SEMA3E: variants seen among roughly 807,000 people sequenced by gnomAD.
SEMA3E encodes semaphorin-3E.
In SEMA3E, 49 loss-of-function variants were observed where a neutral mutation model predicts 93.6. That is an observed-to-expected ratio of 0.52 (90% CI 0.42 to 0.66). The LOEUF (loss-of-function observed/expected upper bound fraction) is 0.66. Among genes scored for constraint, SEMA3E ranks in the 30% least tolerant of loss-of-function variants. The probability of loss-of-function intolerance (pLI) is 0.00; values close to 1 mark genes in which losing one functional copy is unlikely to be tolerated. For missense variants in SEMA3E, 906 were observed against 964.8 expected, an observed-to-expected ratio of 0.94 and a Z score of 0.81; for synonymous variants, 363 against 330.7, an observed-to-expected ratio of 1.10 and a Z score of -1.06.
At chr7:83,422,941 A>G (rs186906746) in intron 4 of SEMA3E, among the ~76,000 whole-genome samples, 5 of 152,344 alleles carry the variant, frequency 3.3e-5, no homozygotes, top group Admixed American at 3.3e-4. Flanking sequence ...AATTTCATAG[A>G]AAAGTTACAG....
intron 1 of SEMA3E, among the ~76,000 whole-genome samples, chr7:83,522,858 T>G (rs1791076776): frequency 6.6e-6 from 1 of 152,144 alleles, no homozygotes; most frequent in Non-Finnish European, 1.5e-5. Context: ...CTTTGCTCAG[T>G]CTGCCTGAGA....
chr7:83,466,733 G>T, intron 3 of SEMA3E, 132 bp from the exon 4 acceptor site: 1 of 1,086,266 alleles, frequency 9.2e-7, no homozygotes, highest in Non-Finnish European at 1.4e-6. Context: ...GGAGGCAAGA[G>T]GGGTAGAAGA....
chr7:83,431,750 T>C (rs1405566901), intron 4 of SEMA3E, among the ~76,000 whole-genome samples: 1 of 152,230 alleles, frequency 6.6e-6, no homozygotes, highest in African/African-American at 2.4e-5. Context: ...AATGACGTTT[T>C]TGGCAATTGG....
rs1272075818 is a variant in SEMA3E, at chr7:83,396,703, T to G, written c.1393A>C (p.Thr465Pro). Residue 465 changes from threonine (T) to proline (P), a missense_variant, in exon 12 of 17, where the codon ACA (threonine) becomes CCA (proline). Thr to Pro is a conservative substitution (Grantham distance 38). Coordinates refer to ENST00000643230, the MANE Select transcript of SEMA3E (RefSeq NM_012431.3). ...GATTCCATTTCTTGGTTGTAAATTG[T>G]GATTACTTTCAGCACAATTCCATTA... Reference protein sequence around the residue: ...TDNGIVLKVITIYNQEMESME... With the variant: ...TDNGIVLKVIPIYNQEMESME... 5.0e-6 allele frequency: 8 copies of G among 1,604,268 alleles called. No homozygotes were observed. Among genetic ancestry groups the G allele is most frequent in the Non-Finnish European group, 6.8e-6 (8 of 1,172,590 alleles).
intron 1 of SEMA3E, among the ~76,000 whole-genome samples, chr7:83,506,160 G>A (rs1249892636): frequency 6.6e-6 from 1 of 151,434 alleles, no homozygotes; most frequent in Non-Finnish European, 1.5e-5. Flanking sequence ...TTTTTGATAG[G>A]CTTCAAACAT....
intron 1 of SEMA3E, among the ~76,000 whole-genome samples, chr7:83,533,698 C>G (rs1408509948): frequency 6.6e-6 from 1 of 152,132 alleles, no homozygotes; most frequent in Non-Finnish European, 1.5e-5. Flanking sequence ...TGAGGAGATT[C>G]AGGTCCCTAC....
At chr7:83,566,336 T>C (rs1001518846) in intron 1 of SEMA3E, among the ~76,000 whole-genome samples, 1 of 152,088 alleles carries the variant, frequency 6.6e-6, no homozygotes, top group Non-Finnish European at 1.5e-5. Context: ...ACTAAACATA[T>C]CAAACTCTTT....
At chr7:83,594,943 A>G (rs1033266153) in intron 1 of SEMA3E, among the ~76,000 whole-genome samples, 1 of 146,596 alleles carries the variant, frequency 6.8e-6, no homozygotes, top group Non-Finnish European at 1.5e-5. Context: ...AGTTTTCCAG[A>G]GAACTTCTGG....
chr7:83,492,877 T>C (rs2115566977), intron 1 of SEMA3E, among the ~76,000 whole-genome samples: 1 of 151,986 alleles, frequency 6.6e-6, no homozygotes, highest in Admixed American at 6.6e-5. Context: ...ACAATGAAAA[T>C]CACTCAATTT....
chr7:83,530,484 A>G (rs1398087349), intron 1 of SEMA3E, among the ~76,000 whole-genome samples: 3 of 152,216 alleles, frequency 2.0e-5, no homozygotes, highest in Non-Finnish European at 4.4e-5. Flanking sequence ...CAAATCACTG[A>G]AGAATTTTAC....
intron 1 of SEMA3E, among the ~76,000 whole-genome samples, chr7:83,596,430 G>A (rs142558590): frequency 1.5e-3 from 225 of 152,078 alleles, no homozygotes; most frequent in South Asian, 5.8e-3. Context: ...TAGGCTCTCA[G>A]TGGCTAAAGA....
At chr7:83,566,841 T>C (rs1382522300) in intron 1 of SEMA3E, among the ~76,000 whole-genome samples, 1 of 151,752 alleles carries the variant, frequency 6.6e-6, no homozygotes, top group Non-Finnish European at 1.5e-5. Flanking sequence ...CAAACCGCAA[T>C]GATAAGAAGA....
intron 12 of SEMA3E, 75 bp downstream of exon 12, chr7:83,396,563 A>G: frequency 1.1e-6 from 1 of 871,868 alleles, no homozygotes; most frequent in Non-Finnish European, 1.9e-6. Flanking sequence ...AAAAATGGAC[A>G]TAGTATCTTT....
intron 4 of SEMA3E, among the ~76,000 whole-genome samples, chr7:83,433,706 A>C (rs1051635139): frequency 1.3e-5 from 2 of 152,080 alleles, no homozygotes; most frequent in Admixed American, 6.6e-5. Context: ...AGATTTACAA[A>C]ATTTCTAGAG....
At chr7:83,386,634 G>A (rs559491718) in intron 15 of SEMA3E, among the ~76,000 whole-genome samples, 1 of 152,256 alleles carries the variant, frequency 6.6e-6, no homozygotes, top group South Asian at 2.1e-4. Context: ...CAGAAGGTAC[G>A]TAACATGGTG....
chr7:83,645,113 C>A (rs1794063064), intron 1 of SEMA3E, among the ~76,000 whole-genome samples: 1 of 151,904 alleles, frequency 6.6e-6, no homozygotes, highest in Non-Finnish European at 1.5e-5. Context: ...CTTATTTTTG[C>A]CTTCCCTGTA....
At chr7:83,523,685 C>T (rs771656054) in intron 1 of SEMA3E, among the ~76,000 whole-genome samples, 3 of 152,104 alleles carry the variant, frequency 2.0e-5, no homozygotes, top group South Asian at 2.1e-4. Flanking sequence ...TATCTTCCTC[C>T]GCTTTATGAG....
intron 1 of SEMA3E, among the ~76,000 whole-genome samples, chr7:83,494,869 G>A (rs1408361698): frequency 2.6e-5 from 4 of 151,930 alleles, no homozygotes; most frequent in Non-Finnish European, 1.5e-5. Context: ...GTCAGCTAGT[G>A]TTCATAATTC....
At chr7:83,539,481 C>T (rs1156851678) in intron 1 of SEMA3E, among the ~76,000 whole-genome samples, 2 of 152,136 alleles carry the variant, frequency 1.3e-5, no homozygotes, top group Non-Finnish European at 2.9e-5. Context: ...TTGATAATCT[C>T]GTACTTCCAA....
Sources: allele counts gnomAD v4.1 joint callset (sites outside exome capture counted in the v4.1 genomes callset), GRCh38; gene constraint gnomAD v4.1.1; transcripts MANE v1.5; gene names NCBI Gene and HGNC (gene_info 2026-07-23, HGNC 2026-07-21).